SCIMP: variants seen among roughly 807,000 people sequenced by gnomAD.
The protein encoded by SCIMP is SLP adaptor and CSK interacting membrane protein, also known as SLP adapter and CSK-interacting membrane protein.
SCIMP carries 18 observed loss-of-function variants against 22.0 expected under a neutral mutation model. The ratio of observed to expected loss-of-function variants is 0.82; its 90% CI spans 0.56 to 1.21. SCIMP has a LOEUF of 1.21. SCIMP is among the 50% of genes most tolerant of loss of function. The pLI, the probability that SCIMP is intolerant of heterozygous loss-of-function variation, is 0.00. For synonymous variants in SCIMP, 53 were observed against 62.2 expected (o/e 0.85, Z 0.70); for missense variants, 155 against 171.2 (o/e 0.91, Z 0.53).
chr17:5,216,077 C>T (rs145321744), intron 3 of SCIMP, among the ~76,000 whole-genome samples: 1 of 152,122 alleles, frequency 6.6e-6, no homozygotes, highest in African/African-American at 2.4e-5. Flanking sequence ...GTGGCATACA[C>T]CTGTAGTCCC....
intron 3 of SCIMP, among the ~76,000 whole-genome samples, chr17:5,219,559 C>CAGAGGTTGCAGGG (rs2074590562): frequency 6.6e-6 from 1 of 152,022 alleles, no homozygotes. Context: ...ACCTGGGAGG[C>CAGAGGTTGCAGGG]AGAGGTTGCA....
intron 1 of SCIMP, among the ~76,000 whole-genome samples, chr17:5,226,304 A>G (rs1351013197): frequency 1.3e-5 from 2 of 152,176 alleles, no homozygotes; most frequent in African/African-American, 4.8e-5. Flanking sequence ...CTTCCAAAAA[A>G]AACTATTGCT....
chr17:5,211,334 C>A (rs1444579329), intron 4 of SCIMP, among the ~76,000 whole-genome samples: 1 of 152,104 alleles, frequency 6.6e-6, no homozygotes, highest in Admixed American at 6.6e-5. Context: ...CCAGCTTGGG[C>A]AACACAGGGA....
At chr17:5,213,145 C>A in intron 4 of SCIMP, 1 of 984,682 alleles carries the variant, frequency 1.0e-6, no homozygotes, top group Non-Finnish European at 1.2e-6. Flanking sequence ...TAGTGACACC[C>A]CATGTTTCTT....
chr17:5,220,432 C>CAAAAAA (rs908309110), intron 3 of SCIMP, among the ~76,000 whole-genome samples: 1 of 63,702 alleles, frequency 1.6e-5, no homozygotes, highest in Non-Finnish European at 3.2e-5. Flanking sequence ...ACCCCATCTC[C>CAAAAAA]AAAAAAAAAA....
intron 1 of SCIMP, among the ~76,000 whole-genome samples, chr17:5,227,867 C>T (rs960602394): frequency 1.5e-4 from 5 of 32,778 alleles, no homozygotes; most frequent in Non-Finnish European, 6.5e-4. Context: ...ATGTCACTAC[C>T]CCCTGCAATA....
chr17:5,225,155 T>C (rs1471032149), intron 1 of SCIMP, among the ~76,000 whole-genome samples: 2 of 152,142 alleles, frequency 1.3e-5, no homozygotes, highest in South Asian at 2.1e-4. Context: ...TTTGTTACCA[T>C]CAAACCTCCA....
intron 4 of SCIMP, chr17:5,213,648 A>T (rs1159653145): frequency 6.6e-6 from 1 of 152,154 alleles, no homozygotes; most frequent in African/African-American, 2.4e-5. Flanking sequence ...GGAGTTCAAG[A>T]CGAGCCTGGT....
intron 3 of SCIMP, chr17:5,215,221 G>T: frequency 3.9e-6 from 2 of 510,138 alleles, no homozygotes; most frequent in Non-Finnish European, 7.0e-6. Context: ...GAAAATGAGG[G>T]GAGGGAAATA....
intron 2 of SCIMP, 78 bp from the exon 3 acceptor site, chr17:5,221,428 A>C: frequency 9.8e-7 from 1 of 1,024,848 alleles, no homozygotes; most frequent in Non-Finnish European, 1.5e-6. Context: ...GAGAAAACAC[A>C]CTTAGGGACA....
rs1168715594 is a variant in SCIMP at position 5,209,587 on chromosome 17, C to A, written c.*1214G>T. On this transcript the variant is annotated 3_prime_UTR_variant, in exon 5 of 5. Transcript: ENST00000574081. ...TTCCAGGTTCACAGTGCTCTCTCTG[C>A]AAGGCTGTTCATTTGCCAGATTTCC... 6.6e-6 allele frequency: 1 copy of A among 152,186 alleles called. No individual in the cohort carries two copies. The highest frequency in any genetic ancestry group is 1.5e-5 in the Non-Finnish European group (1 of 68,030). The allele number at this position is 152,186 out of a possible 1,614,324, so 9.4% of individuals were successfully genotyped here.
intron 1 of SCIMP, among the ~76,000 whole-genome samples, chr17:5,231,564 C>T (rs75772317): frequency 1.0e-3 from 153 of 152,178 alleles, no homozygotes; most frequent in African/African-American, 3.2e-3. Flanking sequence ...CTATGAAGAA[C>T]GATGAAGCTT....
intron 1 of SCIMP, among the ~76,000 whole-genome samples, chr17:5,230,630 C>CTATA (rs938980786): frequency 2.0e-5 from 3 of 152,110 alleles, no homozygotes; most frequent in African/African-American, 7.2e-5. Context: ...ATCTTAAAAC[C>CTATA]TATATAGCTA....
intron 1 of SCIMP, among the ~76,000 whole-genome samples, chr17:5,226,504 C>CTTTTTTT (rs1567842763): frequency 8.6e-6 from 1 of 116,880 alleles, no homozygotes. Flanking sequence ...TTTTTTCTTT[C>CTTTTTTT]TTTCTTTTTT....
At chr17:5,213,328 T>A (rs1231143133) in intron 4 of SCIMP, 4 of 810,706 alleles carry the variant, frequency 4.9e-6, no homozygotes, top group Non-Finnish European at 5.9e-6. Context: ...CGTGGCTCAC[T>A]GCAGACCTCC....
chr17:5,229,209 G>A (rs1329612873), intron 1 of SCIMP, among the ~76,000 whole-genome samples: 3 of 152,140 alleles, frequency 2.0e-5, no homozygotes, highest in African/African-American at 4.8e-5. Context: ...TGGTTTCAGT[G>A]GAAAGGATTT....
chr17:5,213,918 A>G (rs1403374200), intron 4 of SCIMP: 1 of 152,196 alleles, frequency 6.6e-6, no homozygotes, highest in African/African-American at 2.4e-5. Context: ...TGTCCCCCCA[A>G]AATTCAGGTG....
rs985607252 is a variant in SCIMP, at chr17:5,234,799, T to A, written c.-44A>T. 1.3e-6 allele frequency: 2 copies of A among 1,595,528 alleles called. No homozygotes were observed. The highest frequency in any genetic ancestry group is 1.7e-6 in the Non-Finnish European group (2 of 1,171,124). On this transcript the variant is annotated 5_prime_UTR_variant, in exon 1 of 5. An upstream open reading frame in the 5' UTR loses its in-frame stop. Transcript: ENST00000574081. ...ACAGCAGTGGCTGGAGTGCTGCAGC[T>A]CAGGCACAGCTGGTGAGAGGCATTC...
intron 3 of SCIMP, among the ~76,000 whole-genome samples, chr17:5,217,758 C>T (rs565709970): frequency 1.3e-5 from 2 of 151,840 alleles, no homozygotes; most frequent in South Asian, 4.2e-4. Context: ...TTTTTTATGG[C>T]TGCATAGTAT....
Sources: gnomAD v4.1 joint callset for allele counts (sites outside exome capture counted in the v4.1 genomes callset) on GRCh38, gnomAD v4.1.1 for gene constraint, MANE v1.5 for transcripts, NCBI Gene and HGNC (gene_info 2026-07-23, HGNC 2026-07-21) for gene names.